The following ERBB4 variants were observed in gnomAD, a reference collection of about 807,000 sequenced individuals.
The protein encoded by ERBB4 is receptor tyrosine-protein kinase erbB-4.
A neutral mutation model predicts 158.0 loss-of-function variants in ERBB4; 42 were observed. The ratio of observed to expected loss-of-function variants is 0.27; its 90% CI spans 0.21 to 0.34. ERBB4 has a LOEUF of 0.34. ERBB4 is among the 10% of genes least tolerant of loss of function. The pLI is 1.00. For synonymous variants in ERBB4, 583 were observed against 558.7 expected (o/e 1.04, Z -0.61); for missense variants, 1,333 against 1,624.1 (o/e 0.82, Z 3.08).
chr2:211,561,977 A>G lies in ERBB4; in HGVS notation c.2413T>C (p.Leu805=), dbSNP rs763207748. 15 of 1,614,078 alleles carry G rather than the reference A, an allele frequency of 9.3e-6. No individual in the cohort carries two copies. The highest frequency in any genetic ancestry group is 2.7e-5 in the African/African-American group (2 of 74,934). The change falls in exon 20 of 28, where the codon TTG becomes CTG. Residue 805 remains leucine (L), a synonymous_variant. Transcript: ENST00000342788. ...VTQLMPHGCL[L]EYVHEHKDNI... Reference sequence around the variant, plus strand: ...TCCTTGTGCTCGTGGACATACTCCAACAGGCAGCCATGGGGCATAAGTTGA... The same window carrying G: ...TCCTTGTGCTCGTGGACATACTCCAGCAGGCAGCCATGGGGCATAAGTTGA...
intron 2 of ERBB4, among the ~76,000 whole-genome samples, chr2:211,950,157 C>A (rs1294525903): frequency 6.6e-6 from 1 of 152,122 alleles, no homozygotes; most frequent in Non-Finnish European, 1.5e-5. Flanking sequence ...GCAAATAACC[C>A]CAAGTCTTTA....
At chr2:211,537,960 C>T (rs1482928159) in intron 20 of ERBB4, among the ~76,000 whole-genome samples, 1 of 151,740 alleles carries the variant, frequency 6.6e-6, no homozygotes, top group African/African-American at 2.4e-5. Flanking sequence ...AGAAAATAAC[C>T]ATCATGTTCA....
intron 3 of ERBB4, among the ~76,000 whole-genome samples, chr2:211,851,176 C>A (rs1337472344): frequency 6.6e-6 from 1 of 151,678 alleles, no homozygotes; most frequent in African/African-American, 2.4e-5. Context: ...TTTGACTGAA[C>A]AAAATGGAAC....
chr2:211,734,210 G>A (rs997806269), intron 5 of ERBB4, among the ~76,000 whole-genome samples: 1 of 152,006 alleles, frequency 6.6e-6, no homozygotes, highest in African/African-American at 2.4e-5. Flanking sequence ...TCATTTTATT[G>A]ATGAGAAAAT....
At chr2:211,945,373 A>G (rs2080657206) in intron 3 of ERBB4, among the ~76,000 whole-genome samples, 1 of 152,118 alleles carries the variant, frequency 6.6e-6, no homozygotes, top group Non-Finnish European at 1.5e-5. Context: ...TTGGCACATA[A>G]CAACCACCTA....
intron 3 of ERBB4, among the ~76,000 whole-genome samples, chr2:211,856,398 T>TTATTTATC (rs1553646934): frequency 0.015 from 2,241 of 145,126 alleles, 41 homozygotes; most frequent in East Asian, 0.059. Context: ...ATTTATTTAT[T>TTATTTATC]TATCTGAGAT....
chr2:211,973,488 A>T (rs981052748), intron 2 of ERBB4, among the ~76,000 whole-genome samples: 1 of 152,210 alleles, frequency 6.6e-6, no homozygotes, highest in Non-Finnish European at 1.5e-5. Flanking sequence ...GGCATGAGCC[A>T]CCGTGCCCAG....
intron 20 of ERBB4, among the ~76,000 whole-genome samples, chr2:211,558,169 G>A (rs2067289609): frequency 6.6e-6 from 1 of 152,204 alleles, no homozygotes; most frequent in Non-Finnish European, 1.5e-5. Flanking sequence ...TAGGTTGGAA[G>A]TCCATAATCA....
intron 20 of ERBB4, among the ~76,000 whole-genome samples, chr2:211,467,388 G>A (rs963638953): frequency 2.0e-5 from 3 of 152,106 alleles, no homozygotes; most frequent in African/African-American, 7.2e-5. Flanking sequence ...GTTTATAAAT[G>A]TGATCTGTAA....
intron 1 of ERBB4, among the ~76,000 whole-genome samples, chr2:212,373,592 T>C (rs1177470530): frequency 6.6e-6 from 1 of 151,272 alleles, no homozygotes; most frequent in African/African-American, 2.4e-5. Flanking sequence ...TAAATAACTT[T>C]AAAAGTGAAA....
At chr2:212,238,659 G>A (rs2083969027) in intron 1 of ERBB4, among the ~76,000 whole-genome samples, 1 of 151,860 alleles carries the variant, frequency 6.6e-6, no homozygotes, top group Non-Finnish European at 1.5e-5. Flanking sequence ...AGAGAATATG[G>A]GGCTATATCT....
chr2:212,453,619 G>C (rs1688122036), intron 1 of ERBB4, among the ~76,000 whole-genome samples: 1 of 152,046 alleles, frequency 6.6e-6, no homozygotes, highest in Non-Finnish European at 1.5e-5. Flanking sequence ...TCTTTGTATA[G>C]CAAACGAGGT....
intron 1 of ERBB4, among the ~76,000 whole-genome samples, chr2:212,498,558 C>A (rs1256826999): frequency 6.6e-6 from 1 of 152,012 alleles, no homozygotes; most frequent in East Asian, 1.9e-4. Context: ...CACCTAGGGA[C>A]AGGATTTTCA....
At chr2:212,072,869 ATGAG>A (rs2078164215) in intron 2 of ERBB4, among the ~76,000 whole-genome samples, 1 of 151,972 alleles carries the variant, frequency 6.6e-6, no homozygotes, top group South Asian at 2.1e-4. Context: ...AATTATGCAA[ATGAG>A]TGAGTATCTG....
chr2:211,405,338 A>T (rs1418135084), intron 25 of ERBB4, among the ~76,000 whole-genome samples: 1 of 152,144 alleles, frequency 6.6e-6, no homozygotes, highest in East Asian at 1.9e-4. Flanking sequence ...TGCTCAAGGG[A>T]CAGAGAAACT....
chr2:211,824,376 C>A (rs35905194), intron 3 of ERBB4, among the ~76,000 whole-genome samples: 35,140 of 151,862 alleles, frequency 0.23, 4,216 homozygotes, highest in South Asian at 0.33. Flanking sequence ...TGTATGGTAT[C>A]TCTGGCATTA....
intron 1 of ERBB4, among the ~76,000 whole-genome samples, chr2:212,316,209 T>C (rs755603922): frequency 1.3e-5 from 2 of 151,432 alleles, no homozygotes; most frequent in Non-Finnish European, 3.0e-5. Context: ...AACTACTTTT[T>C]GGATGATTTT....
intron 15 of ERBB4, among the ~76,000 whole-genome samples, chr2:211,662,026 G>A (rs71422749): frequency 0.2 from 21,531 of 107,534 alleles, 2,063 homozygotes; most frequent in Middle Eastern, 0.25. Flanking sequence ...GCGACAGAGC[G>A]GGACTCCGTC....
intron 1 of ERBB4, among the ~76,000 whole-genome samples, chr2:212,164,688 A>G (rs1250073715): frequency 1.1e-5 from 1 of 91,558 alleles, no homozygotes; most frequent in Non-Finnish European, 2.4e-5. Context: ...TTTTTAGGTA[A>G]ATAATCCCTT....
Sources: allele counts gnomAD v4.1 joint callset (sites outside exome capture counted in the v4.1 genomes callset), GRCh38; gene constraint gnomAD v4.1.1; transcripts MANE v1.5; gene names NCBI Gene and HGNC (gene_info 2026-07-23, HGNC 2026-07-21).